EZH1: variants seen among roughly 807,000 people sequenced by gnomAD.
EZH1 encodes histone-lysine N-methyltransferase EZH1.
A neutral mutation model predicts 100.5 loss-of-function variants in EZH1; 33 were observed. The observed-to-expected ratio is 0.33, with a 90% CI of 0.25 to 0.44. The LOEUF is 0.44. Among genes scored for constraint, EZH1 ranks in the 20% least tolerant of loss-of-function variants. EZH1 has a pLI of 1.00. For missense variants in EZH1, 475 were observed against 928.4 expected, an observed-to-expected ratio of 0.51 and a Z score of 6.35; for synonymous variants, 272 against 313.8, an observed-to-expected ratio of 0.87 and a Z score of 1.41.
At chr17:42,712,153 C>T in intron 12 of EZH1, 136 bp downstream of exon 12, 1 of 914,866 alleles carries the variant, frequency 1.1e-6, no homozygotes. Context: ...CTCACAGAAG[C>T]ACAGGCTCAT....
chr17:42,719,198 T>G lies in EZH1; in HGVS notation c.674A>C (p.Lys225Thr), dbSNP rs769480255. The G allele has an allele frequency of 2.5e-6, 4 of 1,612,966 alleles. No homozygotes were observed. The African/African-American group carries it at 5.3e-5, about 22-fold the overall frequency. Residue 225 changes from lysine to threonine, a missense_variant, in exon 8 of 21, where the codon AAG becomes ACG. By Grantham distance (78) the Lys-to-Thr change is moderately conservative (BLOSUM62 -1). Around this residue, in one of 8 missense-constraint regions of EZH1, gnomAD observed 180 missense variants for 295.3 expected, o/e 0.61. Transcript: ENST00000428826. ...RKRHAIEGNK[K>T]SSKKQFPNDM... is the part of the protein sequence containing the mutation. ...ATTTGGGAACTGTTTCTTGGAACTC[T>G]TTTTGTTGCCTGAATTGGAAATGAT...
chr17:42,702,884 CAAA>C lies in EZH1; in HGVS notation c.2173_2175del (p.Phe725del). 1 of 1,614,144 alleles carries C rather than the reference CAAA, an allele frequency of 6.2e-7. No individual in the cohort carries two copies. The highest frequency in any genetic ancestry group is 8.5e-7 in the Non-Finnish European group (1 of 1,180,022). ...CCATTACTGGCACCTCACCTGTAAT[CAAA>C]GAAGAGCTCTTCGCCAGCTTGAATT... On this transcript the variant is annotated inframe_deletion, in exon 20 of 21. Transcript: ENST00000428826.
intron 2 of EZH1, among the ~76,000 whole-genome samples, chr17:42,730,361 G>T (rs1187159969): frequency 6.6e-6 from 1 of 152,002 alleles, no homozygotes; most frequent in Non-Finnish European, 1.5e-5. Context: ...AGTAATAAAA[G>T]TAGGATATGA....
chr17:42,729,466 C>T (rs1008663881), intron 2 of EZH1, among the ~76,000 whole-genome samples: 1 of 151,980 alleles, frequency 6.6e-6, no homozygotes, highest in Non-Finnish European at 1.5e-5. Flanking sequence ...CGGTGGCTCA[C>T]GCCTGTAATC....
chr17:42,723,036 C>T (rs906952047), intron 5 of EZH1, 121 bp from the exon 6 acceptor site: 23 of 1,387,828 alleles, frequency 1.7e-5, no homozygotes, highest in Non-Finnish European at 2.1e-5. Flanking sequence ...GCCTTTGTCC[C>T]AGAGTTTCCT....
chr17:42,714,606 G>T (rs192583857), intron 10 of EZH1: 6 of 331,182 alleles, frequency 1.8e-5, no homozygotes, highest in Non-Finnish European at 3.1e-5. Flanking sequence ...AAATTGTTGT[G>T]AAAGTGTTGA....
At position 42,705,170 on chromosome 17, in the gene EZH1, G is replaced by C; in HGVS notation, c.1853C>G (p.Ala618Gly). Residue 618 changes from alanine to glycine, a missense_variant, in exon 17 of 21, where the codon GCC becomes GGC. Coordinates refer to ENST00000428826, the MANE Select transcript of EZH1 (RefSeq NM_001991.5). ...GCCCCATCCGGCCACATCAGAGGGG[G>C]CCAGCAGCAGGTGCTGGGGAAGAGG... ...QRGLKKHLLLAPSDVAGWGTF... is the reference protein window; with the variant it reads ...QRGLKKHLLLGPSDVAGWGTF... The C allele has an allele frequency of 6.2e-7, 1 of 1,612,740 alleles. No homozygotes were observed. Among genetic ancestry groups the C allele is most frequent in the Non-Finnish European group, 8.5e-7 (1 of 1,179,392 alleles).
At chr17:42,742,840 T>C (rs779230237) in intron 1 of EZH1, among the ~76,000 whole-genome samples, 5 of 152,178 alleles carry the variant, frequency 3.3e-5, no homozygotes, top group Non-Finnish European at 7.3e-5. Flanking sequence ...TCTCCTATTA[T>C]GTATGTGCGT....
At chr17:42,723,079 A>T (rs957883644) in intron 5 of EZH1, among the ~76,000 whole-genome samples, 164 bp from the exon 6 acceptor site, 36 of 152,150 alleles carry the variant, frequency 2.4e-4, no homozygotes, top group Non-Finnish European at 4.1e-4. Flanking sequence ...TGTTTGGCCA[A>T]AAAAACCTCA....
chr17:42,718,213 ACAT>A lies in EZH1; in HGVS notation c.932-149_932-147del. ...GGTGCACAAAATTCAGTCATTTCTG[ACAT>A]CAACACAATGCTTTCAAAGCTAAGA... On this transcript the variant is annotated intron_variant, in intron 9 of 20. Transcript: ENST00000428826. This position sits in a 1 kb window ranked among gnomAD's most constrained non-coding sequence, Gnocchi z 4.2. 2 of 856,170 alleles carry A rather than the reference ACAT, an allele frequency of 2.3e-6. No individual in the cohort carries two copies. The highest frequency in any genetic ancestry group is 1.7e-5 in the South Asian group (1 of 59,628). The allele number at this position is 856,170 out of a possible 1,614,324, so 53.0% of individuals were successfully genotyped here. A position where few individuals can be genotyped will look rare whatever the true frequency, so the allele number is the denominator to read the frequency against.
chr17:42,722,967 C>CT lies in EZH1; in HGVS notation c.367-53dup, dbSNP rs777710361. ...TCCATGAAGCCATCATGCATCTGCT[C>CT]TTTCCTATTTAGTGGAATCTTTGCT... On this transcript the variant is annotated intron_variant, in intron 5 of 20. Coordinates refer to ENST00000428826, the MANE Select transcript of EZH1 (RefSeq NM_001991.5). The CT allele has an allele frequency of 3.2e-6, 5 of 1,585,876 alleles. No homozygotes were observed. In the South Asian group the frequency reaches 5.8e-5, roughly 18 times the overall value.
chr17:42,730,084 A>G (rs971462427), intron 2 of EZH1, among the ~76,000 whole-genome samples: 20 of 152,092 alleles, frequency 1.3e-4, no homozygotes, highest in Non-Finnish European at 2.6e-4. Context: ...AACAACAACA[A>G]CAAAATTTCA....
At position 42,738,063 on chromosome 17, in the gene EZH1, C is replaced by T. The variant is rs533126752; in HGVS notation, c.-103+6948G>A. On this transcript the variant is annotated intron_variant, in intron 1 of 20. Transcript: ENST00000428826. ...TGGTGGCGGGCACCTGTAGTCCCAG[C>T]TACTCAGGAGGCTGAGGCAGGAGAA... 2.0e-5 allele frequency among the ~76,000 whole-genome samples: 3 copies of T among 151,676 alleles called. No homozygotes were observed. In the South Asian group the frequency reaches 6.3e-4, roughly 32 times the overall value.
chr17:42,711,875 C>A (rs1241794501), intron 12 of EZH1, among the ~76,000 whole-genome samples: 1 of 126,054 alleles, frequency 7.9e-6, no homozygotes, highest in Non-Finnish European at 1.6e-5. Flanking sequence ...AAGAGGCTGG[C>A]GGAGTGGTGG....
chr17:42,736,141 A>G (rs1202796543), intron 1 of EZH1, among the ~76,000 whole-genome samples: 1 of 152,222 alleles, frequency 6.6e-6, no homozygotes, highest in Non-Finnish European at 1.5e-5. Context: ...CATGGCTAAA[A>G]TGAAAAAAGA....
chr17:42,708,782 A>G, intron 14 of EZH1, 94 bp downstream of exon 14: 1 of 1,349,090 alleles, frequency 7.4e-7, no homozygotes, highest in Middle Eastern at 2.0e-4. Context: ...GAAGTGGCAC[A>G]GGGTCAACAA....
At chr17:42,709,624 T>G (rs2053435186) in intron 13 of EZH1, 1 of 481,682 alleles carries the variant, frequency 2.1e-6, no homozygotes, top group Non-Finnish European at 3.7e-6. Flanking sequence ...AAACAGACAG[T>G]TATGGTCCAC....
intron 12 of EZH1, among the ~76,000 whole-genome samples, chr17:42,710,228 G>A (rs933672250): frequency 2.6e-5 from 4 of 152,166 alleles, no homozygotes; most frequent in African/African-American, 7.2e-5. Flanking sequence ...TAGAAGAGTG[G>A]GCTGACTGTG....
chr17:42,739,916 T>G (rs1361063916), intron 1 of EZH1, among the ~76,000 whole-genome samples: 1 of 151,608 alleles, frequency 6.6e-6, no homozygotes, highest in Non-Finnish European at 1.5e-5. Context: ...CCCGAGTACC[T>G]GGGATCACAG....
Sources: allele counts gnomAD v4.1 joint callset (sites outside exome capture counted in the v4.1 genomes callset), GRCh38; gene constraint gnomAD v4.1.1; regional missense constraint gnomAD v4.1.1; non-coding constraint Gnocchi (gnomAD v3.1); transcripts MANE v1.5; gene names NCBI Gene and HGNC (gene_info 2026-07-23, HGNC 2026-07-21).